Variants in ITGA6 observed in about 807,000 individuals in gnomAD.
The protein encoded by ITGA6 is integrin subunit alpha 6.
Under a neutral mutation model 133.6 loss-of-function variants are expected in ITGA6, and 63 were observed. The observed-to-expected ratio is 0.47, with a 90% CI of 0.38 to 0.58. ITGA6 has a LOEUF of 0.58. ITGA6 is among the 20% of genes least tolerant of loss of function. ITGA6 has a pLI of 0.00. For synonymous variants in ITGA6, 434 were observed against 482.0 expected, an observed-to-expected ratio of 0.90 and a Z score of 1.30; for missense variants, 1,068 against 1,309.4, an observed-to-expected ratio of 0.82 and a Z score of 2.85.
rs569093598 is a variant in ITGA6 at position 172,498,629 on chromosome 2, A to ATG, written c.3114+531_3114+532dup. On this transcript the variant is annotated intron_variant, in intron 24 of 25. Coordinates refer to ENST00000684293, the MANE Select transcript of ITGA6 (RefSeq NM_000210.4). ...ATAAGGAAGGTCTAGGTTCAATATG[A>ATG]TGTTCCTCATTAGAATTTGGCCCTT... 1.3e-4 allele frequency among the ~76,000 whole-genome samples: 20 copies of ATG among 152,338 alleles called. 1 individual carries two copies. In the South Asian group the frequency reaches 4.1e-3, roughly 32 times the overall value.
chr2:172,456,453 A>G (rs1367255763), intron 1 of ITGA6, among the ~76,000 whole-genome samples: 1 of 152,248 alleles, frequency 6.6e-6, no homozygotes, highest in East Asian at 1.9e-4. Context: ...TGGGGTGACC[A>G]TATCATTCAT....
intron 1 of ITGA6, among the ~76,000 whole-genome samples, chr2:172,439,156 T>A (rs950708418): frequency 2.6e-5 from 4 of 151,804 alleles, no homozygotes; most frequent in African/African-American, 9.7e-5. Context: ...TGGGTGTGTG[T>A]GATACAGGGT....
chr2:172,445,117 C>G (rs1684705948), intron 1 of ITGA6, among the ~76,000 whole-genome samples: 5 of 151,626 alleles, frequency 3.3e-5, no homozygotes, highest in Admixed American at 2.0e-4. Context: ...AGGCGCCCAC[C>G]ACCATGCCTG....
rs1161745794 is a variant in ITGA6 at position 172,467,544 on chromosome 2, CA to C, written c.372del (p.Gly126AlafsTer4). The stretch of plus-strand genomic sequence containing the variant: ...GGGGTCACCGTCCAGAGCCAAGGTC[CA>C]GGGGGCAAGGTCGTGGTAAGTGTAG... ...WMGVTVQSQG[P>X]GGKVVTCAHR... On this transcript the variant is annotated frameshift_variant, in exon 3 of 26. Coordinates refer to ENST00000684293, the MANE Select transcript of ITGA6 (RefSeq NM_000210.4). LOFTEE classifies it high-confidence loss of function. 1 of 1,613,530 alleles carries C rather than the reference CA, an allele frequency of 6.2e-7. No homozygotes were observed. Among genetic ancestry groups the C allele is most frequent in the Non-Finnish European group, 8.5e-7 (1 of 1,179,590 alleles).
intron 1 of ITGA6, among the ~76,000 whole-genome samples, chr2:172,448,216 AT>A (rs538171498): frequency 2.1e-4 from 32 of 152,212 alleles, no homozygotes; most frequent in African/African-American, 6.7e-4. Context: ...TTTAGCACAG[AT>A]CTCAAAGTAC....
At chr2:172,435,616 C>CT (rs58005683) in intron 1 of ITGA6, among the ~76,000 whole-genome samples, 2,799 of 82,238 alleles carry the variant, frequency 0.034, 154 homozygotes, top group African/African-American at 0.081. Context: ...AGTTTTGTTT[C>CT]TTTTTTTTTT....
intron 1 of ITGA6, among the ~76,000 whole-genome samples, chr2:172,444,740 C>T (rs1321657197): frequency 7.4e-6 from 1 of 135,706 alleles, no homozygotes; most frequent in Non-Finnish European, 1.6e-5. Flanking sequence ...CATAGGAACC[C>T]CCCTAATCGC....
At chr2:172,487,217 G>A (rs771403710) in intron 14 of ITGA6, 47 bp from the exon 15 acceptor site, 27 of 1,553,444 alleles carry the variant, frequency 1.7e-5, no homozygotes, top group African/African-American at 5.4e-5. Flanking sequence ...TACTGGAAAC[G>A]TATTGAGGAC....
chr2:172,437,460 A>G (rs868101090), intron 1 of ITGA6, among the ~76,000 whole-genome samples: 4 of 152,184 alleles, frequency 2.6e-5, no homozygotes, highest in Non-Finnish European at 4.4e-5. Context: ...GTAGAGAAGA[A>G]TGTGTCCAAA....
In ITGA6 at chr2:172,479,653, G is replaced by A. The variant is rs1271199318; in HGVS notation, c.1401G>A (p.Val467=). 6.2e-7 allele frequency: 1 copy of A among 1,613,844 alleles called. No homozygotes were observed. The highest frequency in any genetic ancestry group is 1.3e-5 in the African/African-American group (1 of 74,852). The part of the protein sequence containing the change: ...DSVTIFRSRP[V]INIQKTITVT... ...CTTTTGTCTTCAGATCCCGGCCTGT[G>A]ATTAATATTCAGAAAACCATCACAG... Residue 467 remains valine, a synonymous_variant, in exon 10 of 26, where the codon GTG becomes GTA. Transcript: ENST00000684293.
chr2:172,480,861 C>G (rs1405259567), intron 11 of ITGA6: 7 of 152,068 alleles, frequency 4.6e-5, no homozygotes, highest in African/African-American at 1.7e-4. Context: ...GGATTTTTGA[C>G]AAGAATTTTG....
At position 172,474,280 on chromosome 2, in the gene ITGA6, G is replaced by T; in HGVS notation, c.986+15G>T. On this transcript the variant is annotated intron_variant, in intron 6 of 25. Coordinates refer to ENST00000684293, the MANE Select transcript of ITGA6 (RefSeq NM_000210.4). ...AACAAGGATGGGTGAGAAAGCCTCA[G>T]GTTATATTATGCTGCAAATCATTTC... is the stretch of plus-strand genomic sequence containing the variant. 6.2e-7 allele frequency: 1 copy of T among 1,606,476 alleles called. No homozygotes were observed. The highest frequency in any genetic ancestry group is 8.5e-7 in the Non-Finnish European group (1 of 1,173,318).
At chr2:172,439,452 G>A (rs1361476446) in intron 1 of ITGA6, among the ~76,000 whole-genome samples, 3 of 151,782 alleles carry the variant, frequency 2.0e-5, no homozygotes, top group Non-Finnish European at 4.4e-5. Context: ...AATATCTTTG[G>A]AATTTTGCAA....
In ITGA6 at chr2:172,491,564, T is replaced by G; in HGVS notation, c.2988+41T>G. ...GCTTCATTCAGGTTCAGAACATGTC[T>G]CTTTTCCCTGTACCCCACACTCATG... On this transcript the variant is annotated intron_variant, in intron 23 of 25. Transcript: ENST00000684293. This position sits in a 1 kb window ranked among gnomAD's most constrained non-coding sequence, Gnocchi z 4.4. The G allele has an allele frequency of 7.6e-7, 1 of 1,307,798 alleles. No individual in the cohort carries two copies. The highest frequency in any genetic ancestry group is 1.2e-5 in the South Asian group (1 of 83,866). The allele number at this position is 1,307,798 out of a possible 1,614,324, so 81.0% of individuals were successfully genotyped here. A position where few individuals can be genotyped will look rare whatever the true frequency, so the allele number is the denominator to read the frequency against.
chr2:172,469,089 G>C (rs1685803943), intron 3 of ITGA6, 36 bp from the exon 4 acceptor site: 1 of 1,612,912 alleles, frequency 6.2e-7, no homozygotes. Flanking sequence ...AAGGTTTATA[G>C]ACAAGAATGG....
chr2:172,489,313 T>C (rs1686822557), intron 19 of ITGA6, among the ~76,000 whole-genome samples, 172 bp from the exon 20 acceptor site: 1 of 152,250 alleles, frequency 6.6e-6, no homozygotes, highest in Non-Finnish European at 1.5e-5. Context: ...CAAAAATCTT[T>C]AGGCACAAGT....
intron 1 of ITGA6, among the ~76,000 whole-genome samples, chr2:172,455,209 A>G (rs893614690): frequency 2.6e-5 from 4 of 152,264 alleles, no homozygotes; most frequent in African/African-American, 9.6e-5. Flanking sequence ...TGCCTACCCA[A>G]CTCAACGTCT....
Position 172,479,971 on chromosome 2 carries a change from T to C in ITGA6, c.1488-19T>C, listed in dbSNP as rs769383894. On this transcript the variant is annotated intron_variant, in intron 10 of 25. Coordinates refer to ENST00000684293, the MANE Select transcript of ITGA6 (RefSeq NM_000210.4). ...GCAATAATGGATCTTTTAAGAAATA[T>C]GTGTTTGATTTTATTCAGCCTCCAG... 10 of 1,541,406 alleles carry C rather than the reference T, an allele frequency of 6.5e-6. No individual in the cohort carries two copies. Among genetic ancestry groups the C allele is most frequent in the African/African-American group, 5.4e-5 (4 of 73,440 alleles).
At chr2:172,460,955 G>A (rs531157360) in intron 1 of ITGA6, among the ~76,000 whole-genome samples, 2 of 152,336 alleles carry the variant, frequency 1.3e-5, no homozygotes, top group Middle Eastern at 3.4e-3. Flanking sequence ...AGCTGCCATT[G>A]TTCTTGGAGT....
Sources: gnomAD v4.1 joint callset for allele counts (sites outside exome capture counted in the v4.1 genomes callset) on GRCh38, gnomAD v4.1.1 for gene constraint, Gnocchi (gnomAD v3.1) non-coding constraint, MANE v1.5 for transcripts, NCBI Gene and HGNC (gene_info 2026-07-23, HGNC 2026-07-21) for gene names.